MTMR3: variants seen among roughly 807,000 people sequenced by gnomAD.
The protein encoded by MTMR3 is myotubularin related protein 3, also known as phosphatidylinositol-3,5-bisphosphate 3-phosphatase MTMR3.
MTMR3 carries 32 observed loss-of-function variants against 132.4 expected under a neutral mutation model. The observed-to-expected ratio is 0.24, with a 90% CI of 0.18 to 0.32. MTMR3 has a LOEUF of 0.32. Among genes scored for constraint, MTMR3 ranks in the 10% least tolerant of loss-of-function variants. The pLI is 1.00. For missense variants in MTMR3, 1,216 were observed against 1,489.6 expected (o/e 0.82, Z 3.02); for synonymous variants, 556 against 550.3 (o/e 1.01, Z -0.14).
At chr22:29,922,889 T>TG (rs1446828196) in intron 1 of MTMR3, among the ~76,000 whole-genome samples, 2 of 147,630 alleles carry the variant, frequency 1.4e-5, no homozygotes, top group African/African-American at 5.3e-5. Flanking sequence ...TAGTGACTAG[T>TG]GTTTTTTTTT....
At chr22:29,931,792 T>G (rs1333421854) in intron 1 of MTMR3, among the ~76,000 whole-genome samples, 8 of 151,750 alleles carry the variant, frequency 5.3e-5, no homozygotes, top group African/African-American at 1.9e-4. Context: ...TTTTTTTTTT[T>G]TTTTTAAAGC....
At chr22:29,946,534 GA>G (rs1222831691) in intron 1 of MTMR3, among the ~76,000 whole-genome samples, 1 of 152,180 alleles carries the variant, frequency 6.6e-6, no homozygotes, top group Non-Finnish European at 1.5e-5. Context: ...TAATGGATTA[GA>G]AAAATGTCTT....
chr22:30,002,682 A>G (rs973603191), intron 8 of MTMR3, 198 bp from the exon 9 acceptor site: 1 of 502,356 alleles, frequency 2.0e-6, no homozygotes. Context: ...GCAACAAAAC[A>G]AAACAAAACA....
chr22:30,017,634 C>T (rs1386974892), intron 15 of MTMR3: 1 of 316,804 alleles, frequency 3.2e-6, no homozygotes, highest in Non-Finnish European at 5.7e-6. Flanking sequence ...TGATGAAAGT[C>T]AGACATTGAA....
intron 16 of MTMR3, 70 bp from the exon 17 acceptor site, chr22:30,019,410 A>G: frequency 7.0e-7 from 1 of 1,428,344 alleles, no homozygotes; most frequent in East Asian, 2.3e-5. Flanking sequence ...TGCTTGTTAA[A>G]ACCTATTGTC....
At chr22:29,913,942 G>A (rs1022679514) in intron 1 of MTMR3, among the ~76,000 whole-genome samples, 9 of 152,012 alleles carry the variant, frequency 5.9e-5, no homozygotes, top group African/African-American at 1.4e-4. Flanking sequence ...TAGTAGAGAC[G>A]GAGTTTCACC....
chr22:29,919,292 A>G lies in MTMR3; in HGVS notation c.-138+35933A>G, dbSNP rs146215023. ...TTTTTATTCATCATACCATAACTAT[A>G]TACATACTTAAAAGTAAATGACATT... is the stretch of plus-strand genomic sequence containing the variant. On this transcript the variant is annotated intron_variant, in intron 1 of 19. Transcript: ENST00000401950. 1.3e-3 allele frequency among the ~76,000 whole-genome samples: 196 copies of G among 152,310 alleles called. 1 individual carries two copies. In the South Asian group the frequency reaches 0.029, roughly 23 times the overall value.
intron 6 of MTMR3, chr22:29,990,111 TA>T (rs2066932298): frequency 6.6e-6 from 1 of 152,284 alleles, no homozygotes; most frequent in South Asian, 2.1e-4. Flanking sequence ...TGCACGCCTG[TA>T]GTCCCAGCTA....
At position 30,019,989 on chromosome 22, in the gene MTMR3, G is replaced by A. The variant is rs2067704483; in HGVS notation, c.2330G>A (p.Ser777Asn). 2.5e-6 allele frequency: 4 copies of A among 1,614,060 alleles called. No homozygotes were observed. The highest frequency in any genetic ancestry group is 3.4e-6 in the Non-Finnish European group (4 of 1,180,032). ...CAGAGTGGGCTCAGTGTTCTCCTCA[G>A]TTCTCTCCAGGTCCCCCCCAGGGGA... Reference protein sequence around the residue: ...EQQSGLSVLLSSLQVPPRGED... With the variant: ...EQQSGLSVLLNSLQVPPRGED... Residue 777 changes from serine (S) to asparagine (N), a missense_variant, in exon 17 of 20, where the codon AGT becomes AAT. Transcript: ENST00000401950.
intron 2 of MTMR3, among the ~76,000 whole-genome samples, chr22:29,970,547 G>T (rs535830832): frequency 6.3e-5 from 7 of 110,576 alleles, no homozygotes; most frequent in African/African-American, 2.5e-4. Flanking sequence ...TCACTCTGTT[G>T]CCCAGGCTGG....
chr22:30,025,531 A>AT, intron 19 of MTMR3, 99 bp from the exon 20 acceptor site: 1 of 1,290,970 alleles, frequency 7.7e-7, no homozygotes, highest in South Asian at 1.3e-5. Context: ...GCTCCAGCAC[A>AT]TGCAAATTAC....
Position 30,019,468 on chromosome 22 carries a change from C to A in MTMR3, c.1821-12C>A. The A allele has an allele frequency of 6.3e-7, 1 of 1,580,272 alleles. No homozygotes were observed. Among genetic ancestry groups the A allele is most frequent in the South Asian group, 1.1e-5 (1 of 90,030 alleles). ...CCAAGATTTTCATTTCCCCCAAATT[C>A]CTTTCCTTTAGGCTACCAAAGACTA... is the stretch of plus-strand genomic sequence containing the variant. On this transcript the variant is annotated splice_polypyrimidine_tract_variant and intron_variant, in intron 16 of 19. Coordinates refer to ENST00000401950, the MANE Select transcript of MTMR3 (RefSeq NM_021090.4).
chr22:29,964,912 CTTCT>C (rs1373412374), intron 2 of MTMR3, among the ~76,000 whole-genome samples: 2 of 152,158 alleles, frequency 1.3e-5, no homozygotes, highest in African/African-American at 4.8e-5. Context: ...TTGTGCCACT[CTTCT>C]TTCTGATTCG....
intron 1 of MTMR3, among the ~76,000 whole-genome samples, chr22:29,921,797 T>C (rs1444340273): frequency 2.0e-5 from 3 of 152,030 alleles, no homozygotes; most frequent in African/African-American, 7.2e-5. Flanking sequence ...CTTCTATGAC[T>C]GGCTTATTTC....
chr22:30,016,740 A>G, intron 15 of MTMR3, 42 bp downstream of exon 15: 1 of 1,573,774 alleles, frequency 6.4e-7, no homozygotes, highest in Non-Finnish European at 8.6e-7. Context: ...AGCAGAAGGA[A>G]TTTGGGGTTG....
At chr22:29,911,298 C>T (rs113755632) in intron 1 of MTMR3, among the ~76,000 whole-genome samples, 2,515 of 152,186 alleles carry the variant, frequency 0.017, 68 homozygotes, top group African/African-American at 0.058. Flanking sequence ...AATCACAGCA[C>T]TTTGGGAGGC....
At chr22:29,938,446 G>T (rs773176023) in intron 1 of MTMR3, among the ~76,000 whole-genome samples, 23 of 152,240 alleles carry the variant, frequency 1.5e-4, no homozygotes, top group Non-Finnish European at 2.2e-4. Context: ...TGAGGGAGAG[G>T]TCTCACTGCT....
At chr22:29,924,115 G>A (rs2065471413) in intron 1 of MTMR3, among the ~76,000 whole-genome samples, 1 of 152,092 alleles carries the variant, frequency 6.6e-6, no homozygotes, top group African/African-American at 2.4e-5. Flanking sequence ...CAAATGCTAT[G>A]TCATGAAGCT....
In MTMR3 at chr22:29,971,001, G is replaced by T. The variant is rs2066523299; in HGVS notation, c.-59G>T. The T allele has an allele frequency of 9.7e-6, 14 of 1,450,058 alleles. No homozygotes were observed. The South Asian group carries it at 1.8e-4, about 19-fold the overall frequency. 89.8% of individuals were successfully genotyped at this position (1,450,058 alleles called of 1,614,324 possible). ...ACTTCACCATAAGGGAAAGAAGAGA[G>T]CCTTGTTGGACACTGAAGAAGGGAC... is the stretch of plus-strand genomic sequence containing the variant. On this transcript the variant is annotated 5_prime_UTR_variant, in exon 3 of 20. Coordinates refer to ENST00000401950, the MANE Select transcript of MTMR3 (RefSeq NM_021090.4).
Sources: gnomAD v4.1 joint callset for allele counts (sites outside exome capture counted in the v4.1 genomes callset) on GRCh38, gnomAD v4.1.1 for gene constraint, MANE v1.5 for transcripts, NCBI Gene and HGNC (gene_info 2026-07-23, HGNC 2026-07-21) for gene names.